Variants in CHST11 observed in about 807,000 individuals in gnomAD.
CHST11 encodes carbohydrate sulfotransferase 11.
A neutral mutation model predicts 30.4 loss-of-function variants in CHST11; 9 were observed. The observed-to-expected ratio is 0.30, with a 90% CI of 0.18 to 0.52. The LOEUF is 0.52. Among genes scored for constraint, CHST11 ranks in the 20% least tolerant of loss-of-function variants. The pLI, the probability that CHST11 is intolerant of heterozygous loss-of-function variation, is 0.97. For synonymous variants in CHST11, 152 were observed against 187.8 expected (o/e 0.81, Z 1.56); for missense variants, 348 against 460.6 (o/e 0.76, Z 2.24).
At chr12:104,583,837 T>C (rs2038773587) in intron 1 of CHST11, among the ~76,000 whole-genome samples, 2 of 151,976 alleles carry the variant, frequency 1.3e-5, no homozygotes, top group East Asian at 1.9e-4. Flanking sequence ...CTCAGCCTTC[T>C]GAGTAGCTGG....
At chr12:104,591,680 A>G (rs1293103856) in intron 1 of CHST11, 2 of 152,158 alleles carry the variant, frequency 1.3e-5, no homozygotes. Context: ...GCTGGAAAGC[A>G]CACCTGTGGG....
intron 2 of CHST11, among the ~76,000 whole-genome samples, chr12:104,615,664 C>T (rs945062401): frequency 4.6e-5 from 7 of 152,128 alleles, no homozygotes; most frequent in East Asian, 3.8e-4. Flanking sequence ...CGGTGGCTCA[C>T]GCTTGTAATT....
intron 2 of CHST11, among the ~76,000 whole-genome samples, chr12:104,673,504 C>T (rs1043566711): frequency 6.6e-6 from 1 of 152,160 alleles, no homozygotes; most frequent in Non-Finnish European, 1.5e-5. Flanking sequence ...GATAATAGTA[C>T]CTACCCATAG....
In CHST11 at chr12:104,665,553, G is replaced by A. The variant is rs1025678731; in HGVS notation, c.204+63562G>A. On this transcript the variant is annotated intron_variant, in intron 2 of 2. Coordinates refer to ENST00000303694, the MANE Select transcript of CHST11 (RefSeq NM_018413.6). ...TGGGATCATAATGACTACTCACAGG[G>A]CGGTTCTGAGTATTAACTTAGTTCA... is the stretch of plus-strand genomic sequence containing the variant. Among the ~76,000 whole-genome samples, 5 of 152,142 alleles carry A rather than the reference G, an allele frequency of 3.3e-5. No homozygotes were observed. In the East Asian group the frequency reaches 9.7e-4, roughly 29 times the overall value.
At chr12:104,678,031 C>A (rs2039759310) in intron 2 of CHST11, among the ~76,000 whole-genome samples, 1 of 152,254 alleles carries the variant, frequency 6.6e-6, no homozygotes, top group Admixed American at 6.5e-5. Flanking sequence ...CCTTCTCCAA[C>A]CTTCCAGGCA....
chr12:104,606,032 C>G (rs1031321617), intron 2 of CHST11, among the ~76,000 whole-genome samples: 19 of 152,048 alleles, frequency 1.2e-4, no homozygotes, highest in Non-Finnish European at 2.2e-4. Context: ...ACTCACAGCA[C>G]AGGGCTGTCC....
chr12:104,538,998 G>A (rs1363315882), intron 1 of CHST11, among the ~76,000 whole-genome samples: 2 of 152,214 alleles, frequency 1.3e-5, no homozygotes, highest in African/African-American at 2.4e-5. Flanking sequence ...TTTTACAGAT[G>A]AAGACACTGA....
intron 2 of CHST11, among the ~76,000 whole-genome samples, chr12:104,712,788 T>G (rs1489206312): frequency 6.6e-6 from 1 of 152,180 alleles, no homozygotes; most frequent in Non-Finnish European, 1.5e-5. Context: ...CCTTTTCTCC[T>G]GGGCTGAATG....
chr12:104,590,014 TAA>T (rs1196342102), intron 1 of CHST11, among the ~76,000 whole-genome samples: 1 of 75,220 alleles, frequency 1.3e-5, no homozygotes, highest in African/African-American at 6.5e-5. Context: ...GTCTCAAAAT[TAA>T]ATAAATAAAT....
intron 1 of CHST11, among the ~76,000 whole-genome samples, chr12:104,487,769 A>T (rs533155871): frequency 6.6e-6 from 1 of 151,894 alleles, no homozygotes; most frequent in Non-Finnish European, 1.5e-5. Flanking sequence ...CTGGGTGAAC[A>T]TAGAGTTGCG....
chr12:104,636,358 G>A (rs141743116), intron 2 of CHST11, among the ~76,000 whole-genome samples: 2 of 152,280 alleles, frequency 1.3e-5, no homozygotes, highest in East Asian at 3.9e-4. Context: ...GAGAGAGAAG[G>A]CTGAACCAAA....
chr12:104,476,675 A>G (rs2037566001), intron 1 of CHST11, among the ~76,000 whole-genome samples: 1 of 152,078 alleles, frequency 6.6e-6, no homozygotes, highest in Non-Finnish European at 1.5e-5. Flanking sequence ...GGCTCTTGAT[A>G]AGTGTAACCA....
intron 2 of CHST11, among the ~76,000 whole-genome samples, chr12:104,708,541 C>T (rs1001872221): frequency 1.1e-4 from 17 of 152,120 alleles, no homozygotes; most frequent in African/African-American, 4.1e-4. Context: ...GTGACAGCTC[C>T]GAGGCTGGCC....
intron 2 of CHST11, among the ~76,000 whole-genome samples, chr12:104,634,360 G>A (rs773980220): frequency 2.0e-5 from 3 of 152,146 alleles, no homozygotes; most frequent in Non-Finnish European, 4.4e-5. Flanking sequence ...GAATCCAGAG[G>A]TCGTCATGTG....
At chr12:104,735,978 G>A (rs1340155379) in intron 2 of CHST11, among the ~76,000 whole-genome samples, 6 of 152,252 alleles carry the variant, frequency 3.9e-5, no homozygotes, top group African/African-American at 7.2e-5. Context: ...GCCAGGATGC[G>A]GGGTTGTGGC....
intron 1 of CHST11, among the ~76,000 whole-genome samples, chr12:104,482,677 C>G (rs77616821): frequency 6.6e-6 from 1 of 152,140 alleles, no homozygotes; most frequent in Non-Finnish European, 1.5e-5. Context: ...CGGAGCTTCA[C>G]ACACATTGCC....
At chr12:104,640,226 G>A (rs1317280846) in intron 2 of CHST11, among the ~76,000 whole-genome samples, 1 of 152,132 alleles carries the variant, frequency 6.6e-6, no homozygotes, top group Non-Finnish European at 1.5e-5. Context: ...GCACTCCTTA[G>A]TATTTACTCA....
intron 1 of CHST11, 113 bp downstream of exon 1, chr12:104,457,642 C>T: frequency 1.2e-6 from 1 of 814,166 alleles, no homozygotes. Context: ...TCGGCCTCTT[C>T]GGGGCTCCTG....
intron 2 of CHST11, among the ~76,000 whole-genome samples, chr12:104,751,457 G>A (rs2040431096): frequency 6.6e-6 from 1 of 152,176 alleles, no homozygotes; most frequent in Admixed American, 6.5e-5. Flanking sequence ...TTAGGGTGAT[G>A]AATACATCGG....
Sources: allele counts gnomAD v4.1 joint callset (sites outside exome capture counted in the v4.1 genomes callset), GRCh38; gene constraint gnomAD v4.1.1; transcripts MANE v1.5; gene names NCBI Gene and HGNC (gene_info 2026-07-23, HGNC 2026-07-21).